The following SEPTIN9 variants were observed in gnomAD, a reference collection of about 807,000 sequenced individuals.
The protein encoded by SEPTIN9 is septin 9.
In SEPTIN9, 13 loss-of-function variants were observed where a neutral mutation model predicts 56.6. The observed-to-expected ratio is 0.23, with a 90% CI of 0.15 to 0.37. SEPTIN9 has a LOEUF of 0.37. Among genes scored for constraint, SEPTIN9 ranks in the 10% least tolerant of loss-of-function variants. The pLI is 1.00. For synonymous variants in SEPTIN9, 332 were observed against 334.1 expected, an observed-to-expected ratio of 0.99 and a Z score of 0.07; for missense variants, 650 against 823.1, an observed-to-expected ratio of 0.79 and a Z score of 2.57.
Position 77,453,474 on chromosome 17 carries a change from G to A in SEPTIN9, c.722-28670G>A, listed in dbSNP as rs530021029. 9.9e-5 allele frequency among the ~76,000 whole-genome samples: 15 copies of A among 151,256 alleles called. No individual in the cohort carries two copies. Among genetic ancestry groups the A allele is most frequent in the South Asian group, 6.2e-4 (3 of 4,818 alleles). ...TACTGGCTAATCCGGGCATGGTGGC[G>A]CGTGCCTGTAATGGCAGCTACTCGG... On this transcript the variant is annotated intron_variant, in intron 3 of 11. Coordinates refer to ENST00000427177, the MANE Select transcript of SEPTIN9 (RefSeq NM_001113491.2). This position sits in a 1 kb window ranked among gnomAD's most constrained non-coding sequence, Gnocchi z 4.4.
intron 1 of SEPTIN9, among the ~76,000 whole-genome samples, chr17:77,296,696 T>C (rs968632800): frequency 6.6e-6 from 1 of 151,910 alleles, no homozygotes; most frequent in Non-Finnish European, 1.5e-5. Flanking sequence ...CTACTAAAAA[T>C]AGAAAAATTA....
At chr17:77,345,931 GTTGTTTTGTTTTGTTTTGTT>G (rs10535531) in intron 2 of SEPTIN9, among the ~76,000 whole-genome samples, 31 of 149,094 alleles carry the variant, frequency 2.1e-4, no homozygotes, top group African/African-American at 6.9e-4. Flanking sequence ...TGTTTTTTTT[GTTGTTTTGTTTTGTTTTGTT>G]TTGTTTTGTT....
At chr17:77,348,793 A>G (rs968820251) in intron 2 of SEPTIN9, among the ~76,000 whole-genome samples, 1 of 152,196 alleles carries the variant, frequency 6.6e-6, no homozygotes, top group African/African-American at 2.4e-5. Context: ...TGGTTGTTAG[A>G]TATTTACTAC....
intron 2 of SEPTIN9, among the ~76,000 whole-genome samples, chr17:77,328,656 G>A (rs1024764589): frequency 4.6e-5 from 7 of 152,324 alleles, no homozygotes; most frequent in South Asian, 2.1e-4. Context: ...ATGAGCCACC[G>A]TGCCTGGCCC....
intron 2 of SEPTIN9, among the ~76,000 whole-genome samples, chr17:77,372,718 C>T (rs2052288245): frequency 6.6e-6 from 1 of 152,058 alleles, no homozygotes; most frequent in South Asian, 2.1e-4. Flanking sequence ...CGGTGGCCCC[C>T]GGGGCGGTGG....
intron 3 of SEPTIN9, among the ~76,000 whole-genome samples, chr17:77,459,425 C>T (rs943029591): frequency 1.3e-5 from 2 of 152,326 alleles, no homozygotes; most frequent in Middle Eastern, 3.4e-3. Flanking sequence ...GGTTAAGACC[C>T]GGGCCCGGTC....
intron 1 of SEPTIN9, among the ~76,000 whole-genome samples, chr17:77,290,848 T>TAAATAAA (rs1386384343): frequency 6.7e-6 from 1 of 149,818 alleles, no homozygotes. Context: ...AATAAATAAA[T>TAAATAAA]TCTTATACCC....
At chr17:77,466,505 T>A in intron 3 of SEPTIN9, 3 of 985,522 alleles carry the variant, frequency 3.0e-6, no homozygotes, top group Non-Finnish European at 3.6e-6. Flanking sequence ...GGGTCACTAC[T>A]GGGTGGAAGG....
At position 77,296,412 on chromosome 17, in the gene SEPTIN9, C is replaced by G. The variant is rs139410839; in HGVS notation, c.20-10729C>G. Among the ~76,000 whole-genome samples the G allele has an allele frequency of 5.8e-4, 88 of 152,136 alleles. 1 individual carries two copies. The East Asian group carries it at 7.9e-3, about 14-fold the overall frequency. ...AGAGAGACAGGCAGACACAGACAGA[C>G]AGGCAGACAAATGGCTAGATAGACA... On this transcript the variant is annotated intron_variant, in intron 1 of 11. Transcript: ENST00000427177.
chr17:77,495,450 T>G (rs1370528495), intron 10 of SEPTIN9, among the ~76,000 whole-genome samples: 1 of 152,248 alleles, frequency 6.6e-6, no homozygotes, highest in African/African-American at 2.4e-5. Context: ...TTGAGGTATC[T>G]TTCCCATCCT....
chr17:77,394,799 T>C (rs1391013884), intron 2 of SEPTIN9, among the ~76,000 whole-genome samples: 2 of 152,222 alleles, frequency 1.3e-5, no homozygotes, highest in Non-Finnish European at 1.5e-5. Flanking sequence ...AATGGTCCCT[T>C]GTGCGGCACA....
intron 3 of SEPTIN9, among the ~76,000 whole-genome samples, chr17:77,424,271 C>T (rs906980312): frequency 3.9e-5 from 6 of 152,376 alleles, no homozygotes; most frequent in East Asian, 1.9e-4. Context: ...CAGCTAGAAG[C>T]GGCTGACCCT....
In SEPTIN9 at chr17:77,488,406, G is replaced by A. The variant is rs759203104; in HGVS notation, c.1124+85G>A. 326 of 1,269,970 alleles carry A rather than the reference G, an allele frequency of 2.6e-4. 3 individuals are homozygous for A. The Middle Eastern group carries it at 6.8e-3, about 26-fold the overall frequency. The allele number at this position is 1,269,970 out of a possible 1,614,324, so 78.7% of individuals were successfully genotyped here. ...CCAGAGTCAGCCCTAGAGGTTTCCCGGCCCGCGGGGGTGCAGGGCCCACCT... is the reference window on the plus strand; with the variant it reads ...CCAGAGTCAGCCCTAGAGGTTTCCCAGCCCGCGGGGGTGCAGGGCCCACCT... On this transcript the variant is annotated intron_variant, in intron 6 of 11. Coordinates refer to ENST00000427177, the MANE Select transcript of SEPTIN9 (RefSeq NM_001113491.2).
Position 77,475,701 on chromosome 17 carries a change from G to T in SEPTIN9, c.722-6443G>T. The T allele has an allele frequency of 1.2e-6, 2 of 1,613,564 alleles. No individual in the cohort carries two copies. The highest frequency in any genetic ancestry group is 1.7e-6 in the Non-Finnish European group (2 of 1,179,882). ...CCACGCTGGGCCGGGGTGGATGGAG[G>T]CAAGGAAGTCTTCGCCGGGGCAAGG... On this transcript the variant is annotated intron_variant, in intron 3 of 11. Transcript: ENST00000427177. The surrounding 1 kb of genome is among the most constrained non-coding windows in gnomAD (Gnocchi z 4.6).
intron 3 of SEPTIN9, among the ~76,000 whole-genome samples, chr17:77,471,282 C>T (rs1192767765): frequency 6.6e-6 from 1 of 152,224 alleles, no homozygotes; most frequent in Non-Finnish European, 1.5e-5. Flanking sequence ...GTCCCCTACC[C>T]CCAAGCAGGC....
At chr17:77,357,024 A>G (rs1396141127) in intron 2 of SEPTIN9, among the ~76,000 whole-genome samples, 1 of 151,736 alleles carries the variant, frequency 6.6e-6, no homozygotes, top group Non-Finnish European at 1.5e-5. Context: ...AGAAGCATCA[A>G]CCTGGTGGCT....
Position 77,319,486 on chromosome 17 carries a change from G to C in SEPTIN9, c.76+12289G>C, listed in dbSNP as rs1055114183. 9 of 965,686 alleles carry C rather than the reference G, an allele frequency of 9.3e-6. No homozygotes were observed. The Admixed American group carries it at 4.6e-4, about 49-fold the overall frequency. The allele number at this position is 965,686 out of a possible 1,614,324, so 59.8% of individuals were successfully genotyped here. ...CTTCCAGGAAGTCCCCGTCCCGTTC[G>C]CCCTCTCTGCCTGGGCGGGGACGGC... On this transcript the variant is annotated intron_variant, in intron 2 of 11. Transcript: ENST00000427177. This position sits in a 1 kb window ranked among gnomAD's most constrained non-coding sequence, Gnocchi z 5.3.
intron 3 of SEPTIN9, among the ~76,000 whole-genome samples, chr17:77,477,147 C>T (rs1032682045): frequency 7.9e-5 from 12 of 151,370 alleles, no homozygotes; most frequent in African/African-American, 2.9e-4. Flanking sequence ...CTTTCCCTTC[C>T]TCTCCCGTCC....
At position 77,318,650 on chromosome 17, in the gene SEPTIN9, C is replaced by T. The variant is rs1275065409; in HGVS notation, c.76+11453C>T. Among the ~76,000 whole-genome samples, 1 of 152,064 alleles carries T rather than the reference C, an allele frequency of 6.6e-6. No individual in the cohort carries two copies. The highest frequency in any genetic ancestry group is 1.9e-4 in the East Asian group (1 of 5,182). ...TTGGGAGGAGGTGGTTGCTTGATGT[C>T]TCCCAGAAGGCTGGGAATGGTCCTC... is the stretch of plus-strand genomic sequence containing the variant. On this transcript the variant is annotated intron_variant, in intron 2 of 11. Transcript: ENST00000427177. The surrounding 1 kb of genome is among the most constrained non-coding windows in gnomAD (Gnocchi z 4.9).
Sources: allele counts gnomAD v4.1 joint callset (sites outside exome capture counted in the v4.1 genomes callset), GRCh38; gene constraint gnomAD v4.1.1; non-coding constraint Gnocchi (gnomAD v3.1); transcripts MANE v1.5; gene names NCBI Gene and HGNC (gene_info 2026-07-23, HGNC 2026-07-21).